The following RELT variants were observed in gnomAD, a reference collection of about 807,000 sequenced individuals.
RELT encodes tumor necrosis factor receptor superfamily member 19L.
In RELT, 37 loss-of-function variants were observed where a neutral mutation model predicts 51.1. The observed-to-expected ratio is 0.72, with a 90% CI of 0.56 to 0.95. RELT has a LOEUF of 0.95. RELT is among the 40% of genes least tolerant of loss of function. The pLI is 0.00. For missense variants in RELT, 535 were observed against 572.6 expected, an observed-to-expected ratio of 0.93 and a Z score of 0.67; for synonymous variants, 241 against 235.7, an observed-to-expected ratio of 1.02 and a Z score of -0.21.
chr11:73,390,972 T>G (rs1866204380), intron 4 of RELT, 51 bp downstream of exon 4: 1 of 1,590,794 alleles, frequency 6.3e-7, no homozygotes, highest in Admixed American at 1.9e-5. Flanking sequence ...ACCAGGACTC[T>G]GGATCCTGGG....
At chr11:73,390,517 T>C (rs1866193622) in intron 2 of RELT, 34 bp from the exon 3 acceptor site, 2 of 1,600,704 alleles carry the variant, frequency 1.2e-6, no homozygotes, top group South Asian at 2.2e-5. Flanking sequence ...CACCCAGCAC[T>C]TTCTGCCTCT....
intron 5 of RELT, 110 bp downstream of exon 5, chr11:73,391,333 C>G: frequency 9.9e-7 from 1 of 1,012,758 alleles, no homozygotes; most frequent in East Asian, 2.6e-5. Flanking sequence ...TGGGGTCCTT[C>G]TTCCAGCCCA....
At chr11:73,380,087 C>T (rs1379661249) in intron 1 of RELT, among the ~76,000 whole-genome samples, 1 of 152,218 alleles carries the variant, frequency 6.6e-6, no homozygotes, top group African/African-American at 2.4e-5. Context: ...GGTGTCCTCC[C>T]TCACTGCTGG....
chr11:73,385,551 G>T (rs1866111388), intron 1 of RELT, among the ~76,000 whole-genome samples: 1 of 152,188 alleles, frequency 6.6e-6, no homozygotes. Context: ...CATGGGGCTG[G>T]GTGTGGAGTT....
chr11:73,392,455 A>G lies in RELT; in HGVS notation c.612A>G (p.Gly204=). The G allele has an allele frequency of 6.2e-7, 1 of 1,612,252 alleles. No individual in the cohort carries two copies. Residue 204 remains glycine, a synonymous_variant, in exon 6 of 11, where the codon GGA becomes GGG. Transcript: ENST00000064780. ...ACAAGGAGGTCGGGCCCGGCCCTGG[A>G]GGTGGAGGCAGTGGTGAGGCCCAGC... is the stretch of plus-strand genomic sequence containing the variant. ...TAHKEVGPGP[G]GGGSGINPAY...
chr11:73,381,354 C>T (rs1866047573), intron 1 of RELT, among the ~76,000 whole-genome samples: 8 of 152,276 alleles, frequency 5.3e-5, no homozygotes, highest in Middle Eastern at 3.4e-3. Flanking sequence ...TAGCCCAGTG[C>T]ATGCACTGTG....
Position 73,388,761 on chromosome 11 carries a change from A to ACGGACACAGG in RELT, c.-25-349_-25-340dup, listed in dbSNP as rs1445539344. On this transcript the variant is annotated intron_variant, in intron 1 of 10. Coordinates refer to ENST00000064780, the MANE Select transcript of RELT (RefSeq NM_152222.2). The surrounding 1 kb of genome is among the most constrained non-coding windows in gnomAD (Gnocchi z 4.1). ...GGGTGTTGGTTGCAACCCTGTCATCACGGACACAGGCCGCCACACGCGCTT... is the reference window on the plus strand; with the variant it reads ...GGGTGTTGGTTGCAACCCTGTCATCACGGACACAGGCGGACACAGGCCGCCACACGCGCTT... Among the ~76,000 whole-genome samples, 2 of 152,158 alleles carry ACGGACACAGG rather than the reference A, an allele frequency of 1.3e-5. No individual in the cohort carries two copies. Among genetic ancestry groups the ACGGACACAGG allele is most frequent in the Non-Finnish European group, 2.9e-5 (2 of 68,010 alleles).
rs138540970 is a variant in RELT at position 73,394,519 on chromosome 11, C to A, written c.831C>A (p.His277Gln). Residue 277 changes from histidine (H) to glutamine (Q), a missense_variant, in exon 9 of 11, where the codon CAC (histidine) becomes CAA (glutamine). Physicochemically the swap from His to Gln is conservative, Grantham distance 24 (BLOSUM62 0). Transcript: ENST00000064780. The surrounding 1 kb of genome is among the most constrained non-coding windows in gnomAD (Gnocchi z 4.9). ...CGAACGTGCCACACATCTGCCCGCA[C>A]CGCCACCATCTCCACACCGTGCAGG... ...APPNVPHICP[H>Q]RHHLHTVQGL... 5 of 1,610,912 alleles carry A rather than the reference C, an allele frequency of 3.1e-6. No homozygotes were observed. In the African/African-American group the frequency reaches 6.7e-5, roughly 22 times the overall value.
In RELT at chr11:73,394,581, G is replaced by T. The variant is rs775508307; in HGVS notation, c.893G>T (p.Cys298Phe). Residue 298 changes from cysteine to phenylalanine, a missense_variant, in exon 9 of 11, where the codon TGT becomes TTT. Transcript: ENST00000064780. This position sits in a 1 kb window ranked among gnomAD's most constrained non-coding sequence, Gnocchi z 4.9. ...CTCTCTGGCCCCTGCTGCTCCCGCT[G>T]TAGCCAGAAGAAGTGGCCCGAGGTG... Reference protein sequence around the residue: ...ASLSGPCCSRCSQKKWPEVLL... With the variant: ...ASLSGPCCSRFSQKKWPEVLL... 1.2e-6 allele frequency: 2 copies of T among 1,613,010 alleles called. No individual in the cohort carries two copies. The highest frequency in any genetic ancestry group is 1.7e-6 in the Non-Finnish European group (2 of 1,180,000).
rs918837421 is a variant in RELT, at chr11:73,388,783, G to A, written c.-25-329G>A. Among the ~76,000 whole-genome samples the A allele has an allele frequency of 1.2e-4, 19 of 152,188 alleles. No individual in the cohort carries two copies. Among genetic ancestry groups the A allele is most frequent in the Admixed American group, 1.2e-3 (18 of 15,290 alleles). On this transcript the variant is annotated intron_variant, in intron 1 of 10. Coordinates refer to ENST00000064780, the MANE Select transcript of RELT (RefSeq NM_152222.2). The surrounding 1 kb of genome is among the most constrained non-coding windows in gnomAD (Gnocchi z 4.1). ...ATCACGGACACAGGCCGCCACACGC[G>A]CTTCCTTCCCCTGCTGATGCCTCGG...
chr11:73,392,274 C>G lies in RELT; in HGVS notation c.431C>G (p.Thr144Arg). ...VAAGASSGGETRQPGNGTRAG... is the reference protein window; with the variant it reads ...VAAGASSGGERRQPGNGTRAG... Reference sequence around the variant, plus strand: ...GCAGGGGCCAGCAGCGGTGGTGAGACACGGCAGCCTGGGAACGGCACCCGG... The same window carrying G: ...GCAGGGGCCAGCAGCGGTGGTGAGAGACGGCAGCCTGGGAACGGCACCCGG... The change falls in exon 6 of 11, where the codon ACA becomes AGA. Residue 144 changes from threonine (T) to arginine (R), a missense_variant. Thr to Arg is a moderately conservative substitution (Grantham distance 71). Transcript: ENST00000064780. The G allele has an allele frequency of 6.2e-7, 1 of 1,612,998 alleles. No homozygotes were observed. The highest frequency in any genetic ancestry group is 8.5e-7 in the Non-Finnish European group (1 of 1,179,802).
chr11:73,384,816 G>T (rs1198100770), intron 1 of RELT, among the ~76,000 whole-genome samples: 1 of 152,338 alleles, frequency 6.6e-6, no homozygotes, highest in Non-Finnish European at 1.5e-5. Flanking sequence ...CTCGTGGTGG[G>T]GAAAGGGCTG....
rs368264967 is a variant in RELT, at chr11:73,396,000, G to A, written c.*509G>A. On this transcript the variant is annotated 3_prime_UTR_variant, in exon 11 of 11. Coordinates refer to ENST00000064780, the MANE Select transcript of RELT (RefSeq NM_152222.2). ...GAGTGAGTCCCTGGGTTCTAATCTTGGGCACATCTGTGGCCATCGCTGGGT... is the reference window on the plus strand; with the variant it reads ...GAGTGAGTCCCTGGGTTCTAATCTTAGGCACATCTGTGGCCATCGCTGGGT... 49 of 161,450 alleles carry A rather than the reference G, an allele frequency of 3.0e-4. No individual in the cohort carries two copies. In the South Asian group the frequency reaches 8.0e-3, roughly 26 times the overall value. 10.0% of individuals were successfully genotyped at this position (161,450 alleles called of 1,614,324 possible). A position where few individuals can be genotyped will look rare whatever the true frequency, so the allele number is the denominator to read the frequency against.
intron 6 of RELT, chr11:73,393,014 C>T: frequency 2.0e-6 from 2 of 1,004,642 alleles, no homozygotes; most frequent in Non-Finnish European, 1.2e-6. Context: ...CCCCACACCA[C>T]TACTCCCCTG....
At chr11:73,379,975 G>T (rs1417402566) in intron 1 of RELT, among the ~76,000 whole-genome samples, 1 of 152,134 alleles carries the variant, frequency 6.6e-6, no homozygotes, top group Admixed American at 6.5e-5. Context: ...CCTCTTTCTA[G>T]AACCCTCTTG....
At chr11:73,391,900 A>G in intron 5 of RELT, 1 of 492,486 alleles carries the variant, frequency 2.0e-6, no homozygotes, top group South Asian at 2.4e-5. Context: ...AGGGAGGCAG[A>G]TCCCACGTCC....
chr11:73,393,181 C>T (rs1230774971), intron 6 of RELT: 4 of 1,000,154 alleles, frequency 4.0e-6, no homozygotes, highest in Admixed American at 5.3e-5. Flanking sequence ...TGAAGTCTGG[C>T]GGGGGCAGGA....
At chr11:73,390,459 C>T (rs983327279) in intron 2 of RELT, 92 bp from the exon 3 acceptor site, 4 of 1,210,636 alleles carry the variant, frequency 3.3e-6, no homozygotes, top group Non-Finnish European at 4.9e-6. Context: ...GTCCCTACCA[C>T]TGGGGTTTCA....
chr11:73,391,251 G>A (rs372740503), intron 5 of RELT, 28 bp downstream of exon 5: 3 of 1,603,294 alleles, frequency 1.9e-6, no homozygotes, highest in East Asian at 2.2e-5. Context: ...GCTAGGACTG[G>A]TGCAGGGGTA....
Sources: gnomAD v4.1 joint callset for allele counts (sites outside exome capture counted in the v4.1 genomes callset) on GRCh38, gnomAD v4.1.1 for gene constraint, Gnocchi (gnomAD v3.1) non-coding constraint, MANE v1.5 for transcripts, NCBI Gene and HGNC (gene_info 2026-07-23, HGNC 2026-07-21) for gene names.